Variants in SGCZ observed in about 807,000 individuals in gnomAD.
SGCZ encodes sarcoglycan zeta, also known as zeta-sarcoglycan.
SGCZ carries 40 observed loss-of-function variants against 41.3 expected under a neutral mutation model. The observed-to-expected ratio is 0.97, with a 90% CI of 0.75 to 1.26. The LOEUF (loss-of-function observed/expected upper bound fraction) is 1.26, where lower values mean the gene tolerates loss of function less well. Among genes scored for constraint, SGCZ ranks in the 50% most tolerant of loss-of-function variants. The probability of loss-of-function intolerance (pLI) is 0.00; values close to 1 mark genes in which losing one functional copy is unlikely to be tolerated. For synonymous variants in SGCZ, 206 were observed against 137.5 expected (o/e 1.50, Z -3.49); for missense variants, 552 against 369.8 (o/e 1.49, Z -4.04).
chr8:14,497,424 G>A (rs530627798), intron 2 of SGCZ, among the ~76,000 whole-genome samples: 1 of 152,108 alleles, frequency 6.6e-6, no homozygotes, highest in Non-Finnish European at 1.5e-5. Context: ...AGGAGATGGT[G>A]GTAAATCAAG....
chr8:14,571,034 T>C (rs891855877), intron 1 of SGCZ, among the ~76,000 whole-genome samples: 6 of 152,230 alleles, frequency 3.9e-5, no homozygotes, highest in Non-Finnish European at 7.3e-5. Flanking sequence ...TTCGCACTGC[T>C]ATAAAGAACA....
chr8:14,757,406 G>A (rs1475300517), intron 1 of SGCZ, among the ~76,000 whole-genome samples: 3 of 152,146 alleles, frequency 2.0e-5, no homozygotes, highest in South Asian at 2.1e-4. Flanking sequence ...CCTTTCTCAG[G>A]TACTGTGTGG....
chr8:14,138,399 TAA>T (rs1422395482), intron 5 of SGCZ, among the ~76,000 whole-genome samples: 4 of 151,196 alleles, frequency 2.6e-5, no homozygotes, highest in Non-Finnish European at 5.9e-5. Context: ...TCAAACTGGA[TAA>T]AGAGTCAAGA....
rs192182505 is a variant in SGCZ, at chr8:14,392,804, T to C, written c.235-68600A>G. On this transcript the variant is annotated intron_variant, in intron 2 of 7. Transcript: ENST00000382080. ...GCTAATACATGCATATTTAAGACTT[T>C]TAACTTGAAAATATCAAATTCTAAG... 1.6e-3 allele frequency among the ~76,000 whole-genome samples: 230 copies of C among 144,982 alleles called. 1 individual carries two copies. The highest frequency in any genetic ancestry group is 4.7e-3 in the African/African-American group (176 of 37,380).
intron 2 of SGCZ, among the ~76,000 whole-genome samples, chr8:14,521,825 T>C (rs1023072661): frequency 2.0e-5 from 3 of 152,110 alleles, no homozygotes; most frequent in Non-Finnish European, 4.4e-5. Context: ...TAGTTATCAT[T>C]ACTTTGTCCC....
chr8:14,392,677 T>C (rs1382962102), intron 2 of SGCZ, among the ~76,000 whole-genome samples: 1 of 152,180 alleles, frequency 6.6e-6, no homozygotes, highest in Non-Finnish European at 1.5e-5. Flanking sequence ...AAATGAATAC[T>C]ATATCCATAT....
intron 1 of SGCZ, among the ~76,000 whole-genome samples, chr8:14,762,068 G>A (rs927243185): frequency 9.2e-5 from 14 of 151,998 alleles, no homozygotes. Context: ...TGAGACAGAT[G>A]CCACATTGAC....
intron 1 of SGCZ, among the ~76,000 whole-genome samples, chr8:14,997,848 T>C (rs1247494674): frequency 6.6e-6 from 1 of 151,934 alleles, no homozygotes; most frequent in Non-Finnish European, 1.5e-5. Flanking sequence ...TAATCCCAGA[T>C]ACTCAGGAGG....
chr8:14,785,574 G>T (rs1800743407), intron 1 of SGCZ, among the ~76,000 whole-genome samples: 1 of 152,090 alleles, frequency 6.6e-6, no homozygotes. Context: ...TACTAAGGTG[G>T]TTCCCATGTC....
intron 4 of SGCZ, among the ~76,000 whole-genome samples, chr8:14,211,603 T>C (rs776106623): frequency 1.3e-5 from 2 of 151,956 alleles, no homozygotes; most frequent in Admixed American, 6.6e-5. Context: ...CTTAAAATCA[T>C]GGCAGGAGCT....
intron 2 of SGCZ, among the ~76,000 whole-genome samples, chr8:14,548,813 T>G (rs1380771039): frequency 6.6e-6 from 1 of 152,134 alleles, no homozygotes; most frequent in Admixed American, 6.6e-5. Context: ...GAGACCAAAT[T>G]GGGTCAACAA....
At chr8:15,060,588 G>A (rs1426640665) in intron 1 of SGCZ, among the ~76,000 whole-genome samples, 3 of 150,618 alleles carry the variant, frequency 2.0e-5, no homozygotes, top group Non-Finnish European at 4.4e-5. Flanking sequence ...CGAGTTAATG[G>A]GTGCAGCACA....
In SGCZ at chr8:14,117,706, G is replaced by A. The variant is rs141364346; in HGVS notation, c.548-9471C>T. ...CCCATCAACCCATCATCTACATTAG[G>A]TATTTCTCCTAATGTTATCCCTCCC... On this transcript the variant is annotated intron_variant, in intron 5 of 7. Transcript: ENST00000382080. Among the ~76,000 whole-genome samples the A allele has an allele frequency of 7.6e-3, 1,156 of 151,406 alleles. 17 individuals carry two copies. Among genetic ancestry groups the A allele is most frequent in the African/African-American group, 0.027 (1,101 of 41,274 alleles).
chr8:14,130,800 G>T (rs151246377), intron 5 of SGCZ, among the ~76,000 whole-genome samples: 20 of 152,328 alleles, frequency 1.3e-4, no homozygotes, highest in African/African-American at 4.8e-4. Context: ...AGGCAGGTAT[G>T]TTTTTTCATA....
chr8:14,886,101 AC>A (rs1804795929), intron 1 of SGCZ, among the ~76,000 whole-genome samples: 1 of 146,258 alleles, frequency 6.8e-6, no homozygotes, highest in African/African-American at 2.5e-5. Context: ...ACAAAGTTTG[AC>A]CACTTAATAT....
At chr8:14,157,358 G>A (rs1246335386) in intron 5 of SGCZ, among the ~76,000 whole-genome samples, 1 of 132,704 alleles carries the variant, frequency 7.5e-6, no homozygotes, top group Non-Finnish European at 1.6e-5. Flanking sequence ...GTGTGTGTGT[G>A]TGTGTGAGTG....
intron 1 of SGCZ, among the ~76,000 whole-genome samples, chr8:14,850,547 G>T (rs965086067): frequency 3.3e-5 from 5 of 152,084 alleles, no homozygotes; most frequent in Non-Finnish European, 7.4e-5. Flanking sequence ...GGAGGTAAAG[G>T]TTATTATATA....
chr8:14,357,036 T>C (rs1381389141), intron 2 of SGCZ, among the ~76,000 whole-genome samples: 1 of 152,120 alleles, frequency 6.6e-6, no homozygotes, highest in Non-Finnish European at 1.5e-5. Flanking sequence ...TAATTATTTA[T>C]AATTGAACTA....
chr8:14,540,663 T>C (rs1268013291), intron 2 of SGCZ, among the ~76,000 whole-genome samples: 1 of 151,990 alleles, frequency 6.6e-6, no homozygotes, highest in Non-Finnish European at 1.5e-5. Context: ...CATAATGTCC[T>C]TATGTTAGTG....
Sources: gnomAD v4.1 joint callset for allele counts (sites outside exome capture counted in the v4.1 genomes callset) on GRCh38, gnomAD v4.1.1 for gene constraint, MANE v1.5 for transcripts, NCBI Gene and HGNC (gene_info 2026-07-23, HGNC 2026-07-21) for gene names.